RBFOX1: variants seen among roughly 807,000 people sequenced by gnomAD.
The protein encoded by RBFOX1 is RNA binding fox-1 homolog 1.
A neutral mutation model predicts 57.7 loss-of-function variants in RBFOX1; 8 were observed. The observed-to-expected ratio is 0.14, with a 90% CI of 0.08 to 0.25. The LOEUF is 0.25. Ranked by LOEUF, RBFOX1 falls within the 10% of genes least tolerant of loss-of-function variation. The probability of loss-of-function intolerance (pLI) is 1.00; values close to 1 mark genes in which losing one functional copy is unlikely to be tolerated. For synonymous variants in RBFOX1, 326 were observed against 222.4 expected (o/e 1.47, Z -4.15); for missense variants, 611 against 548.5 (o/e 1.11, Z -1.14).
chr16:7,214,342 C>G (rs892432811), intron 4 of RBFOX1, among the ~76,000 whole-genome samples: 4 of 152,080 alleles, frequency 2.6e-5, no homozygotes, highest in African/African-American at 9.7e-5. Context: ...CCCTGTAGAT[C>G]CCTACTTTAG....
intron 4 of RBFOX1, among the ~76,000 whole-genome samples, chr16:7,513,386 C>T (rs1173158227): frequency 6.6e-6 from 1 of 152,244 alleles, no homozygotes; most frequent in African/African-American, 2.4e-5. Flanking sequence ...TAACAACTAC[C>T]TGTGACTGTG....
chr16:6,283,686 G>A (rs1300951287), intron 1 of RBFOX1, among the ~76,000 whole-genome samples: 4 of 152,256 alleles, frequency 2.6e-5, no homozygotes, highest in Non-Finnish European at 4.4e-5. Context: ...GGAGTTTCAC[G>A]TTGGCACCCA....
intron 2 of RBFOX1, among the ~76,000 whole-genome samples, chr16:5,553,306 A>G (rs73522787): frequency 0.088 from 13,069 of 147,972 alleles, 742 homozygotes; most frequent in African/African-American, 0.17. Flanking sequence ...GGTGTATGCC[A>G]TATGTCTGAA....
At chr16:6,946,877 G>A (rs1239796795) in intron 3 of RBFOX1, among the ~76,000 whole-genome samples, 1 of 152,128 alleles carries the variant, frequency 6.6e-6, no homozygotes, top group Non-Finnish European at 1.5e-5. Flanking sequence ...CCCAAGTGCT[G>A]GGATTATAGG....
intron 3 of RBFOX1, among the ~76,000 whole-genome samples, chr16:6,665,356 A>G (rs892320593): frequency 6.6e-6 from 1 of 152,184 alleles, no homozygotes; most frequent in Non-Finnish European, 1.5e-5. Context: ...GCTCACGCCT[A>G]TAATGCCAGC....
At chr16:7,009,958 A>T (rs2093570200) in intron 3 of RBFOX1, among the ~76,000 whole-genome samples, 1 of 152,250 alleles carries the variant, frequency 6.6e-6, no homozygotes, top group Non-Finnish European at 1.5e-5. Context: ...AAAAGGGTCC[A>T]AAGCTATATT....
intron 4 of RBFOX1, among the ~76,000 whole-genome samples, chr16:7,280,014 C>G (rs756310924): frequency 2.7e-4 from 41 of 152,340 alleles, no homozygotes; most frequent in Non-Finnish European, 5.0e-4. Flanking sequence ...GCCAGCGCCA[C>G]ATCACCTGCT....
intron 1 of RBFOX1, among the ~76,000 whole-genome samples, chr16:5,249,364 G>C (rs115443154): frequency 2.6e-4 from 40 of 152,192 alleles, no homozygotes; most frequent in African/African-American, 7.2e-4. Flanking sequence ...GGGCCTGGCC[G>C]GGGCTTGTGT....
chr16:6,794,670 C>T (rs186368418), intron 3 of RBFOX1, among the ~76,000 whole-genome samples: 1 of 152,156 alleles, frequency 6.6e-6, no homozygotes, highest in Non-Finnish European at 1.5e-5. Flanking sequence ...CCCCCCATCA[C>T]TTATGGTTCC....
chr16:6,725,589 A>G (rs1042755251), intron 3 of RBFOX1, among the ~76,000 whole-genome samples: 2 of 152,198 alleles, frequency 1.3e-5, no homozygotes, highest in African/African-American at 2.4e-5. Context: ...AATCATAAAA[A>G]TATCCAACCA....
At chr16:5,803,812 G>A (rs751154790) in intron 3 of RBFOX1, among the ~76,000 whole-genome samples, 1 of 152,090 alleles carries the variant, frequency 6.6e-6, no homozygotes, top group African/African-American at 2.4e-5. Flanking sequence ...TTAAAGGTCT[G>A]GGATTGCAGA....
At chr16:5,695,267 G>A (rs1042296379) in intron 3 of RBFOX1, among the ~76,000 whole-genome samples, 3 of 152,048 alleles carry the variant, frequency 2.0e-5, no homozygotes, top group Non-Finnish European at 2.9e-5. Flanking sequence ...GATAATTTAA[G>A]AAGTCCCTGG....
intron 2 of RBFOX1, among the ~76,000 whole-genome samples, chr16:6,475,469 C>A (rs769564436): frequency 6.6e-6 from 1 of 152,144 alleles, no homozygotes; most frequent in Non-Finnish European, 1.5e-5. Flanking sequence ...ATTTTGTAGA[C>A]AATGCTTGGA....
In RBFOX1 at chr16:6,421,531, G is replaced by A. The variant is rs184369633; in HGVS notation, c.-64+104474G>A. On this transcript the variant is annotated intron_variant, in intron 2 of 15. Transcript: ENST00000550418. ...CTTTTTAACAAGATTTTCAGCAAAC[G>A]TTGACACATTCATTATGGCCATGAG... Among the ~76,000 whole-genome samples the A allele has an allele frequency of 8.3e-4, 127 of 152,246 alleles. 1 individual carries two copies. The highest frequency in any genetic ancestry group is 2.0e-3 in the Admixed American group (31 of 15,298).
intron 1 of RBFOX1, among the ~76,000 whole-genome samples, chr16:5,453,047 C>G (rs904232831): frequency 1.3e-5 from 2 of 152,206 alleles, no homozygotes; most frequent in Non-Finnish European, 2.9e-5. Context: ...GTTTACCTCT[C>G]TTACTTTGTC....
intron 2 of RBFOX1, among the ~76,000 whole-genome samples, chr16:6,545,596 A>G (rs1420195551): frequency 1.8e-4 from 27 of 150,854 alleles, no homozygotes; most frequent in Admixed American, 1.8e-3. Flanking sequence ...TCCGATAACT[A>G]CTCTCCACCC....
At chr16:6,572,976 G>A (rs556695347) in intron 2 of RBFOX1, among the ~76,000 whole-genome samples, 2 of 152,156 alleles carry the variant, frequency 1.3e-5, no homozygotes, top group South Asian at 2.1e-4. Flanking sequence ...ACCTTCCCTC[G>A]GGGACCTTGA....
At chr16:6,941,056 G>C (rs7500208) in intron 3 of RBFOX1, among the ~76,000 whole-genome samples, 1 of 152,036 alleles carries the variant, frequency 6.6e-6, no homozygotes, top group African/African-American at 2.4e-5. Flanking sequence ...GTGCGTGTAC[G>C]TAAGTGTGGA....
chr16:7,435,212 C>T (rs2098712479), intron 4 of RBFOX1, among the ~76,000 whole-genome samples: 1 of 151,962 alleles, frequency 6.6e-6, no homozygotes, highest in Non-Finnish European at 1.5e-5. Context: ...GTGACTGTTT[C>T]TTAGACTCTG....
Sources: allele counts gnomAD v4.1 joint callset (sites outside exome capture counted in the v4.1 genomes callset), GRCh38; gene constraint gnomAD v4.1.1; transcripts MANE v1.5; gene names NCBI Gene and HGNC (gene_info 2026-07-23, HGNC 2026-07-21).